The following PRSS48 variants were observed in gnomAD, a reference collection of about 807,000 sequenced individuals.
PRSS48 encodes the protein serine protease 48, also known as epidermis-specific serine protease-like protein.
Under a neutral mutation model 25.6 loss-of-function variants are expected in PRSS48, and 21 were observed. That is an observed-to-expected ratio of 0.82 (90% CI 0.58 to 1.18). The LOEUF (loss-of-function observed/expected upper bound fraction) is 1.18. PRSS48 is among the 50% of genes most tolerant of loss of function. The pLI, the probability that PRSS48 is intolerant of heterozygous loss-of-function variation, is 0.00. For missense variants in PRSS48, 373 were observed against 399.3 expected (o/e 0.93, Z 0.56); for synonymous variants, 150 against 149.3 (o/e 1.00, Z -0.04).
At chr4:151,286,302 CA>C (rs879791941) in intron 4 of PRSS48, among the ~76,000 whole-genome samples, 2 of 134,996 alleles carry the variant, frequency 1.5e-5, no homozygotes, top group African/African-American at 2.8e-5. Context: ...TAAACAAAAG[CA>C]AAAGTTGGTT....
rs372259053 is a variant in PRSS48, at chr4:151,282,417, A to G, written c.481+4A>G. On this transcript the variant is annotated splice_donor_region_variant and intron_variant, in intron 3 of 4. Coordinates refer to ENST00000455694, the Ensembl canonical transcript of PRSS48. ...GGAAAAGTTAAGGAAAGTTCAGGTG[A>G]GAATGGGCAGAGAGAAGGGTTGTTT... is the stretch of plus-strand genomic sequence containing the variant. 12 of 1,613,492 alleles carry G rather than the reference A, an allele frequency of 7.4e-6. No homozygotes were observed. Among genetic ancestry groups the G allele is most frequent in the East Asian group, 6.7e-5 (3 of 44,874 alleles).
intron 4 of PRSS48, among the ~76,000 whole-genome samples, chr4:151,287,445 G>GT (rs1774918860): frequency 6.6e-6 from 1 of 151,694 alleles, no homozygotes; most frequent in African/African-American, 2.4e-5. Flanking sequence ...CTATAGACCA[G>GT]TATCTTTTAT....
chr4:151,282,641 A>G (rs1356717331), intron 3 of PRSS48, among the ~76,000 whole-genome samples: 1 of 152,228 alleles, frequency 6.6e-6, no homozygotes, highest in Non-Finnish European at 1.5e-5. Context: ...AAGAGCAGAT[A>G]CTAACAATTT....
At chr4:151,290,993 C>T in intron 4 of PRSS48, 125 bp from the exon 5 acceptor site, 1 of 658,552 alleles carries the variant, frequency 1.5e-6, no homozygotes, top group Non-Finnish European at 2.6e-6. Flanking sequence ...TAGTCCAGCC[C>T]CCTGCAGGGT....
chr4:151,287,933 G>C (rs975252689), intron 4 of PRSS48, among the ~76,000 whole-genome samples: 3 of 151,982 alleles, frequency 2.0e-5, no homozygotes, highest in Non-Finnish European at 4.4e-5. Flanking sequence ...ATAAACAACT[G>C]GGATTTATCC....
At chr4:151,278,597 T>G (rs1773878822) in intron 1 of PRSS48, among the ~76,000 whole-genome samples, 1 of 152,138 alleles carries the variant, frequency 6.6e-6, no homozygotes, top group African/African-American at 2.4e-5. Flanking sequence ...CCATGTGACC[T>G]AGGGTTTCCT....
chr4:151,291,240 C>T (rs1775308951), exon 5 of PRSS48: 1 of 1,613,816 alleles, frequency 6.2e-7, no homozygotes, highest in Non-Finnish European at 8.5e-7. Flanking sequence ...TAATCTACTA[C>T]CAAAAATGGA....
intron 4 of PRSS48, among the ~76,000 whole-genome samples, chr4:151,286,600 TAAAAAAA>T (rs200710507): frequency 7.5e-6 from 1 of 132,830 alleles, no homozygotes; most frequent in African/African-American, 2.8e-5. Context: ...CATTTGTGAT[TAAAAAAA>T]AAAAAAAAAC....
In PRSS48 at chr4:151,278,476, T is replaced by C. The variant is rs572354761; in HGVS notation, c.52+1252T>C. ...AAGAAAAAAAAAACCCTGACTAGTATTTAGGAAGTGATTTGTGAAAAGTAA... is the reference window on the plus strand; with the variant it reads ...AAGAAAAAAAAAACCCTGACTAGTACTTAGGAAGTGATTTGTGAAAAGTAA... On this transcript the variant is annotated intron_variant, in intron 1 of 4. Transcript: ENST00000455694. Among the ~76,000 whole-genome samples the C allele has an allele frequency of 7.9e-5, 12 of 151,522 alleles. No individual in the cohort carries two copies. In the South Asian group the frequency reaches 2.3e-3, roughly 29 times the overall value.
In PRSS48 at chr4:151,279,706, A is replaced by G; in HGVS notation, c.53-90A>G. 5 of 1,283,954 alleles carry G rather than the reference A, an allele frequency of 3.9e-6. No individual in the cohort carries two copies. The South Asian group carries it at 6.6e-5, about 17-fold the overall frequency. The allele number at this position is 1,283,954 out of a possible 1,614,324, so 79.5% of individuals were successfully genotyped here. On this transcript the variant is annotated intron_variant, in intron 1 of 4. Coordinates refer to ENST00000455694, the Ensembl canonical transcript of PRSS48. ...TCTAGGGAGGGTTCAGGTCCTAGGA[A>G]TAGATGGGAGTTTGGGAATGATGAT...
chr4:151,282,370 C>T (rs1253887658), exon 3 of PRSS48: 2 of 1,613,908 alleles, frequency 1.2e-6, no homozygotes, highest in South Asian at 1.1e-5. Flanking sequence ...CAATTCCACC[C>T]TTTTGTTGGG....
Position 151,277,232 on chromosome 4 carries a change from C to A in PRSS48, c.52+8C>A. On this transcript the variant is annotated splice_region_variant and intron_variant, in intron 1 of 4. Transcript: ENST00000455694. Reference sequence around the variant, plus strand: ...TTCTGCTGGGGATCTCAGGTGAGCGCCAGGGTGGGGTTGAGAAGGCAGAGG... The same window carrying A: ...TTCTGCTGGGGATCTCAGGTGAGCGACAGGGTGGGGTTGAGAAGGCAGAGG... The A allele has an allele frequency of 6.7e-7, 1 of 1,500,880 alleles. No individual in the cohort carries two copies. The highest frequency in any genetic ancestry group is 9.0e-7 in the Non-Finnish European group (1 of 1,112,910). The allele number at this position is 1,500,880 out of a possible 1,614,324, so 93.0% of individuals were successfully genotyped here.
chr4:151,290,940 CTA>C (rs1775270584), intron 4 of PRSS48, among the ~76,000 whole-genome samples, 176 bp from the exon 5 acceptor site: 1 of 152,138 alleles, frequency 6.6e-6, no homozygotes, highest in Non-Finnish European at 1.5e-5. Context: ...AATTTCAATT[CTA>C]TGATTCTAAA....
At chr4:151,284,923 G>A (rs558183255) in intron 4 of PRSS48, among the ~76,000 whole-genome samples, 1 of 152,218 alleles carries the variant, frequency 6.6e-6, no homozygotes, top group East Asian at 1.9e-4. Flanking sequence ...TGCAGAACTT[G>A]GGACTCTCGC....
intron 4 of PRSS48, among the ~76,000 whole-genome samples, chr4:151,289,980 G>T (rs1011743378): frequency 6.6e-6 from 1 of 152,090 alleles, no homozygotes; most frequent in African/African-American, 2.4e-5. Context: ...TTAGAAACAG[G>T]GTCTTGCTCT....
chr4:151,281,159 C>CA (rs1244375391), intron 2 of PRSS48, among the ~76,000 whole-genome samples: 4 of 151,208 alleles, frequency 2.6e-5, no homozygotes, highest in African/African-American at 9.7e-5. Context: ...CAGAGGGCTC[C>CA]AAAAAAAAGA....
chr4:151,277,877 C>CA (rs1228916386), intron 1 of PRSS48, among the ~76,000 whole-genome samples: 2 of 152,024 alleles, frequency 1.3e-5, no homozygotes, highest in East Asian at 1.9e-4. Context: ...CCCATCTCTA[C>CA]AAAAAATACA....
At chr4:151,287,083 G>A (rs1488259132) in intron 4 of PRSS48, among the ~76,000 whole-genome samples, 1 of 151,642 alleles carries the variant, frequency 6.6e-6, no homozygotes, top group Non-Finnish European at 1.5e-5. Flanking sequence ...GCTCACACCT[G>A]TAATCCCAGC....
chr4:151,283,119 A>G, exon 4 of PRSS48: 1 of 1,613,590 alleles, frequency 6.2e-7, no homozygotes, highest in Non-Finnish European at 8.5e-7. Flanking sequence ...CTCCACAGAT[A>G]GAGATTACCA....
Sources: allele counts gnomAD v4.1 joint callset (sites outside exome capture counted in the v4.1 genomes callset), GRCh38; gene constraint gnomAD v4.1.1; transcripts MANE v1.5; gene names NCBI Gene and HGNC (gene_info 2026-07-23, HGNC 2026-07-21).